POPDC1: variants seen among roughly 807,000 people sequenced by gnomAD.
The protein encoded by POPDC1 is popeye domain cAMP effector 1.
chr6:105,106,944 T>G, the POPDC1 span, among the ~76,000 whole-genome samples: 3 of 152,256 alleles, frequency 2.0e-5, no homozygotes, highest in African/African-American at 7.2e-5. Flanking sequence ...TTATCCTTTG[T>G]GTTACAAACA....
the POPDC1 span, chr6:105,124,455 T>C: frequency 7.1e-6 from 5 of 701,970 alleles, no homozygotes; most frequent in African/African-American, 1.9e-5. Context: ...TTCCCCCCAA[T>C]AATTCATAGC....
the POPDC1 span, among the ~76,000 whole-genome samples, chr6:105,125,961 C>T: frequency 3.3e-5 from 5 of 152,004 alleles, no homozygotes; most frequent in Non-Finnish European, 5.9e-5. Context: ...TCAGTGGTCA[C>T]GCCTGTAATC....
the POPDC1 span, among the ~76,000 whole-genome samples, chr6:105,109,419 A>C: frequency 1.3e-5 from 2 of 152,070 alleles, no homozygotes; most frequent in African/African-American, 4.8e-5. Flanking sequence ...CTATCTACGT[A>C]GGTCAGTAGA....
chr6:105,122,767 C>A, the POPDC1 span, among the ~76,000 whole-genome samples: 1 of 151,986 alleles, frequency 6.6e-6, no homozygotes, highest in Non-Finnish European at 1.5e-5. Context: ...TAAAGATAAA[C>A]TAAGAACATA....
the POPDC1 span, chr6:105,133,484 T>C: frequency 1.2e-6 from 2 of 1,613,888 alleles, no homozygotes; most frequent in South Asian, 1.1e-5. Context: ...TCACAAGTGG[T>C]CTTATTGGAA....
chr6:105,133,384 T>A, the POPDC1 span: 1 of 1,613,556 alleles, frequency 6.2e-7, no homozygotes, highest in Non-Finnish European at 8.5e-7. Flanking sequence ...AAATATCATA[T>A]GAAGGTGAAG....
chr6:105,103,919 C>T, the POPDC1 span, among the ~76,000 whole-genome samples: 1 of 152,200 alleles, frequency 6.6e-6, no homozygotes, highest in Non-Finnish European at 1.5e-5. Context: ...GAGCTTTCAG[C>T]TTTTCTGTGA....
At chr6:105,111,003 A>C in the POPDC1 span, among the ~76,000 whole-genome samples, 1 of 152,210 alleles carries the variant, frequency 6.6e-6, no homozygotes, top group South Asian at 2.1e-4. Context: ...TACTGTCTTG[A>C]CACTAATAAC....
chr6:105,118,890 C>T, the POPDC1 span, among the ~76,000 whole-genome samples: 1 of 152,110 alleles, frequency 6.6e-6, no homozygotes, highest in East Asian at 1.9e-4. Flanking sequence ...CTCTACAAAA[C>T]ACACAAAAAT....
At chr6:105,130,112 T>C in the POPDC1 span, among the ~76,000 whole-genome samples, 24 of 152,264 alleles carry the variant, frequency 1.6e-4, no homozygotes, top group Non-Finnish European at 3.5e-4. Context: ...ATAATTCTAC[T>C]ACTTTAAGAA....
At chr6:105,106,739 G>A in the POPDC1 span, among the ~76,000 whole-genome samples, 2 of 152,160 alleles carry the variant, frequency 1.3e-5, no homozygotes, top group Non-Finnish European at 2.9e-5. Context: ...GGGCTGCCCT[G>A]CAGATCCTTC....
At chr6:105,127,008 C>T in the POPDC1 span, among the ~76,000 whole-genome samples, 1 of 152,086 alleles carries the variant, frequency 6.6e-6, no homozygotes, top group Non-Finnish European at 1.5e-5. Flanking sequence ...CAGGTCATGC[C>T]CCATCTTTGG....
At chr6:105,128,296 G>A in the POPDC1 span, among the ~76,000 whole-genome samples, 1 of 152,130 alleles carries the variant, frequency 6.6e-6, no homozygotes, top group Non-Finnish European at 1.5e-5. Flanking sequence ...AATATGAACA[G>A]AAACAATATA....
the POPDC1 span, among the ~76,000 whole-genome samples, chr6:105,107,009 C>T: frequency 1.3e-5 from 2 of 152,054 alleles, no homozygotes; most frequent in South Asian, 4.1e-4. Context: ...TTACTATAGT[C>T]ATCCTGTTGT....
the POPDC1 span, among the ~76,000 whole-genome samples, chr6:105,132,394 T>C: frequency 6.6e-6 from 1 of 152,354 alleles, no homozygotes; most frequent in East Asian, 1.9e-4. Context: ...TCTTCCAAAA[T>C]CCAGGTCCCA....
At chr6:105,105,087 C>T in the POPDC1 span, among the ~76,000 whole-genome samples, 4 of 152,120 alleles carry the variant, frequency 2.6e-5, no homozygotes, top group Non-Finnish European at 5.9e-5. Context: ...GGAGGATAAA[C>T]CAGGGAGTCC....
chr6:105,101,216 G>A, the POPDC1 span: 1 of 1,606,590 alleles, frequency 6.2e-7, no homozygotes, highest in Non-Finnish European at 8.5e-7. Context: ...TGACACATCT[G>A]TGGAAAGATA....
the POPDC1 span, chr6:105,136,815 G>C: frequency 4.7e-3 from 721 of 152,000 alleles, 1 homozygote; most frequent in Non-Finnish European, 7.6e-3. Flanking sequence ...CTGCCCGGGC[G>C]CGTAGAACAA....
At chr6:105,136,528 G>A in the POPDC1 span, 1 of 152,506 alleles carries the variant, frequency 6.6e-6, no homozygotes, top group African/African-American at 2.4e-5. Context: ...GCGGCTCGAG[G>A]CGGCCCTACA....
Sources: allele counts gnomAD v4.1 joint callset (sites outside exome capture counted in the v4.1 genomes callset), GRCh38; gene constraint gnomAD v4.1.1; transcripts MANE v1.5; gene names NCBI Gene and HGNC (gene_info 2026-07-23, HGNC 2026-07-21).